FOCAD: variants seen among roughly 807,000 people sequenced by gnomAD.
FOCAD encodes KIAA1797.
In FOCAD, 198 loss-of-function variants were observed where a neutral mutation model predicts 225.6. The ratio of observed to expected loss-of-function variants is 0.88; its 90% CI spans 0.78 to 0.99. FOCAD has a LOEUF of 0.99. Ranked by LOEUF, FOCAD falls within the 50% of genes least tolerant of loss-of-function variation. The pLI is 0.00. For missense variants in FOCAD, 2,713 were observed against 2,123.6 expected (o/e 1.28, Z -5.46); for synonymous variants, 897 against 755.0 (o/e 1.19, Z -3.08).
chr9:20,885,659 T>C (rs1831047398), intron 21 of FOCAD: 1 of 152,198 alleles, frequency 6.6e-6, no homozygotes, highest in Admixed American at 6.5e-5. Flanking sequence ...GGTTTTAATG[T>C]TTATTTTACT....
intron 1 of FOCAD, among the ~76,000 whole-genome samples, chr9:20,692,562 G>A (rs577732244): frequency 1.2e-4 from 18 of 152,328 alleles, no homozygotes; most frequent in African/African-American, 4.1e-4. Context: ...TGGACTTGGG[G>A]TAGATGTGGG....
At chr9:20,923,911 C>G in intron 25 of FOCAD, 143 bp downstream of exon 25, 1 of 608,004 alleles carries the variant, frequency 1.6e-6, no homozygotes, top group South Asian at 2.2e-5. Context: ...ATACTGTGAG[C>G]CTCAGTGTCT....
chr9:20,780,756 A>G (rs750173974), intron 9 of FOCAD, among the ~76,000 whole-genome samples: 2 of 152,228 alleles, frequency 1.3e-5, no homozygotes, highest in Non-Finnish European at 2.9e-5. Flanking sequence ...AAATACTGCT[A>G]TTATATTCAT....
At chr9:20,813,806 C>G (rs1179003796) in intron 11 of FOCAD, among the ~76,000 whole-genome samples, 1 of 152,092 alleles carries the variant, frequency 6.6e-6, no homozygotes, top group Non-Finnish European at 1.5e-5. Context: ...GATGTTCTAT[C>G]CATTATTTAA....
intron 1 of FOCAD, among the ~76,000 whole-genome samples, chr9:20,686,160 A>G (rs1018731930): frequency 1.3e-5 from 2 of 152,108 alleles, no homozygotes; most frequent in East Asian, 1.9e-4. Flanking sequence ...TGCATTTGCT[A>G]TTTTTTTGTT....
intron 2 of FOCAD, among the ~76,000 whole-genome samples, chr9:20,665,647 G>A (rs1362539941): frequency 6.6e-6 from 1 of 152,140 alleles, no homozygotes; most frequent in East Asian, 1.9e-4. Flanking sequence ...AGAACAAAAT[G>A]AAAAGTAGTT....
At chr9:20,840,755 T>C (rs1347108124) in intron 15 of FOCAD, among the ~76,000 whole-genome samples, 1 of 152,048 alleles carries the variant, frequency 6.6e-6, no homozygotes, top group Non-Finnish European at 1.5e-5. Flanking sequence ...TTCAGTTCTA[T>C]GTTGAATAAC....
At chr9:20,674,268 G>A (rs1822161850) in intron 2 of FOCAD, among the ~76,000 whole-genome samples, 1 of 151,898 alleles carries the variant, frequency 6.6e-6, no homozygotes, top group Non-Finnish European at 1.5e-5. Context: ...TGCTATTGAG[G>A]TTATTTATGC....
intron 10 of FOCAD, among the ~76,000 whole-genome samples, chr9:20,788,639 C>A (rs1302702587): frequency 6.6e-5 from 10 of 152,132 alleles, no homozygotes; most frequent in Admixed American, 6.6e-4. Flanking sequence ...ACTTTATTAG[C>A]AAGCAATGTC....
chr9:20,968,807 A>G (rs1048702848), intron 35 of FOCAD, among the ~76,000 whole-genome samples: 5 of 151,992 alleles, frequency 3.3e-5, no homozygotes, highest in Non-Finnish European at 7.4e-5. Context: ...ACCTTTGGGT[A>G]TATTTGCTCT....
At chr9:20,982,664 A>T (rs1469332894) in intron 39 of FOCAD, among the ~76,000 whole-genome samples, 1 of 152,218 alleles carries the variant, frequency 6.6e-6, no homozygotes, top group Non-Finnish European at 1.5e-5. Context: ...TGGATGAATA[A>T]CTTTTTAACC....
At position 20,916,986 on chromosome 9, in the gene FOCAD, C is replaced by T. The variant is rs549453227; in HGVS notation, c.2852+49C>T. 2.7e-5 allele frequency: 39 copies of T among 1,453,424 alleles called. No individual in the cohort carries two copies. The South Asian group carries it at 4.9e-4, about 18-fold the overall frequency. 90.0% of individuals were successfully genotyped at this position (1,453,424 alleles called of 1,614,324 possible). On this transcript the variant is annotated intron_variant, in intron 24 of 43. Transcript: ENST00000338382. ...CAAACATTTTTTATAAATACCTTTT[C>T]CTGGCAGGTACATACATTTTCTCCT... is the stretch of plus-strand genomic sequence containing the variant.
chr9:20,949,039 G>A (rs1564193104), intron 32 of FOCAD, 111 bp downstream of exon 32: 2 of 969,274 alleles, frequency 2.1e-6, no homozygotes, highest in East Asian at 5.0e-5. Flanking sequence ...TATGCTCATG[G>A]TAATAGTTAC....
chr9:20,901,192 A>ATGTGTGTGTG (rs71334562), intron 21 of FOCAD, among the ~76,000 whole-genome samples: 63 of 105,754 alleles, frequency 6.0e-4, no homozygotes, highest in East Asian at 5.2e-3. Context: ...TGTGGAAACA[A>ATGTGTGTGTG]TGTGTGTGTG....
At chr9:20,972,579 G>C (rs765305012) in intron 35 of FOCAD, among the ~76,000 whole-genome samples, 7 of 151,406 alleles carry the variant, frequency 4.6e-5, no homozygotes, top group Non-Finnish European at 1.0e-4. Flanking sequence ...TAGTTGTTCT[G>C]CTTTTCCTGC....
intron 11 of FOCAD, among the ~76,000 whole-genome samples, chr9:20,818,616 C>T (rs1034280464): frequency 6.6e-5 from 10 of 151,928 alleles, no homozygotes; most frequent in Non-Finnish European, 7.4e-5. Flanking sequence ...ACTATCCCTC[C>T]GAGAGACTCT....
chr9:20,668,908 G>A (rs1159852579), intron 2 of FOCAD, among the ~76,000 whole-genome samples: 3 of 152,160 alleles, frequency 2.0e-5, no homozygotes, highest in East Asian at 1.9e-4. Flanking sequence ...TGTGTGGCAC[G>A]CTCCCCGTTT....
chr9:20,722,811 T>G (rs936391209), intron 4 of FOCAD, among the ~76,000 whole-genome samples: 4 of 152,252 alleles, frequency 2.6e-5, no homozygotes, highest in Non-Finnish European at 4.4e-5. Context: ...ACCTTACCTT[T>G]TTTATTTGTG....
chr9:20,726,288 T>C (rs1826189202), intron 4 of FOCAD: 1 of 152,176 alleles, frequency 6.6e-6, no homozygotes, highest in Admixed American at 6.6e-5. Flanking sequence ...CATGCAACCA[T>C]TGTTACAGTT....
Sources: allele counts gnomAD v4.1 joint callset (sites outside exome capture counted in the v4.1 genomes callset), GRCh38; gene constraint gnomAD v4.1.1; transcripts MANE v1.5; gene names NCBI Gene and HGNC (gene_info 2026-07-23, HGNC 2026-07-21).